The following SDC2 variants were observed in gnomAD, a reference collection of about 807,000 sequenced individuals.
SDC2 encodes the protein syndecan 2, also known as syndecan-2.
A neutral mutation model predicts 22.2 loss-of-function variants in SDC2; 13 were observed. The ratio of observed to expected loss-of-function variants is 0.59; its 90% CI spans 0.38 to 0.93. The LOEUF (loss-of-function observed/expected upper bound fraction) is 0.93, where lower values mean the gene tolerates loss of function less well. SDC2 is among the 40% of genes least tolerant of loss of function. SDC2 has a pLI of 0.00. For missense variants in SDC2, 235 were observed against 246.8 expected (o/e 0.95, Z 0.32); for synonymous variants, 94 against 92.8 (o/e 1.01, Z -0.07).
intron 1 of SDC2, among the ~76,000 whole-genome samples, chr8:96,534,631 C>T (rs1015095907): frequency 6.6e-6 from 1 of 151,842 alleles, no homozygotes; most frequent in Admixed American, 6.6e-5. Context: ...GAGACGAGGG[C>T]TCGTCATGTT....
chr8:96,576,822 T>C (rs996681085), intron 1 of SDC2, among the ~76,000 whole-genome samples: 1 of 152,114 alleles, frequency 6.6e-6, no homozygotes, highest in Non-Finnish European at 1.5e-5. Context: ...ATTTATCCCC[T>C]GGGAAAAAGG....
At chr8:96,600,586 T>A (rs907719002) in intron 2 of SDC2, among the ~76,000 whole-genome samples, 1 of 152,122 alleles carries the variant, frequency 6.6e-6, no homozygotes, top group African/African-American at 2.4e-5. Context: ...TCACAGTGGC[T>A]TGGATTGGAG....
intron 1 of SDC2, among the ~76,000 whole-genome samples, chr8:96,544,895 G>C (rs779314616): frequency 9.2e-5 from 14 of 152,196 alleles, no homozygotes; most frequent in Non-Finnish European, 2.1e-4. Flanking sequence ...TTATGCAATA[G>C]GTTATCATGT....
chr8:96,576,581 G>T (rs904878800), intron 1 of SDC2, among the ~76,000 whole-genome samples: 16 of 137,292 alleles, frequency 1.2e-4, no homozygotes, highest in African/African-American at 4.0e-4. Context: ...CACTACGCCC[G>T]GCTAATTTTT....
chr8:96,596,463 A>C (rs1475245435), intron 2 of SDC2, among the ~76,000 whole-genome samples: 1 of 152,262 alleles, frequency 6.6e-6, no homozygotes, highest in Non-Finnish European at 1.5e-5. Context: ...GGGCATAAGC[A>C]AACATGAAAC....
intron 1 of SDC2, among the ~76,000 whole-genome samples, chr8:96,521,219 T>C (rs750080951): frequency 6.6e-6 from 1 of 152,236 alleles, no homozygotes; most frequent in Non-Finnish European, 1.5e-5. Flanking sequence ...AAAAGCATTT[T>C]TGAATTATGT....
rs183133346 is a variant in SDC2 at position 96,606,642 on chromosome 8, A to G, written c.307-1693A>G. On this transcript the variant is annotated intron_variant, in intron 3 of 4. Transcript: ENST00000302190. ...GTGACCTGAAGTCAGACCAATTGAA[A>G]TGGAACCTCTAGTAGTAGGACTGTA... 2.8e-3 allele frequency among the ~76,000 whole-genome samples: 420 copies of G among 152,284 alleles called. 2 individuals carry two copies. The highest frequency in any genetic ancestry group is 4.9e-3 in the Non-Finnish European group (334 of 68,022).
At chr8:96,591,482 C>T (rs1421707525) in intron 1 of SDC2, among the ~76,000 whole-genome samples, 1 of 152,036 alleles carries the variant, frequency 6.6e-6, no homozygotes, top group African/African-American at 2.4e-5. Context: ...TATTTTGTGG[C>T]CATGCATTTT....
chr8:96,496,954 A>G (rs924979216), intron 1 of SDC2, among the ~76,000 whole-genome samples: 2 of 152,180 alleles, frequency 1.3e-5, no homozygotes, highest in Non-Finnish European at 2.9e-5. Context: ...AATCTGACTG[A>G]GTGTGGCAGT....
rs775680829 is a variant in SDC2, at chr8:96,580,252, G to A, written c.61-13228G>A. ...CCGTGGCAGCTGCAATCATTCAGCC[G>A]CATTCTTTAGCCTCCAAAGCAGGAG... is the stretch of plus-strand genomic sequence containing the variant. On this transcript the variant is annotated intron_variant, in intron 1 of 4. Transcript: ENST00000302190. 37 of 301,724 alleles carry A rather than the reference G, an allele frequency of 1.2e-4. No individual in the cohort carries two copies. In the South Asian group the frequency reaches 1.7e-3, roughly 14 times the overall value. 18.7% of individuals were successfully genotyped at this position (301,724 alleles called of 1,614,324 possible). A position where few individuals can be genotyped will look rare whatever the true frequency, so the allele number is the denominator to read the frequency against.
chr8:96,539,282 A>G (rs954732784), intron 1 of SDC2, among the ~76,000 whole-genome samples: 1 of 152,106 alleles, frequency 6.6e-6, no homozygotes, highest in East Asian at 1.9e-4. Context: ...CAAAGATGAA[A>G]CCCATCTACA....
intron 2 of SDC2, among the ~76,000 whole-genome samples, chr8:96,594,247 T>C (rs547688792): frequency 5.3e-5 from 8 of 152,304 alleles, no homozygotes; most frequent in African/African-American, 1.9e-4. Flanking sequence ...TTCTGTAGGT[T>C]GGTGATGTAG....
intron 1 of SDC2, among the ~76,000 whole-genome samples, chr8:96,565,321 G>A (rs1043808388): frequency 2.6e-5 from 4 of 151,474 alleles, no homozygotes; most frequent in Non-Finnish European, 4.4e-5. Flanking sequence ...TCCTGACCTC[G>A]TGATCTGCCC....
chr8:96,508,908 A>C (rs770154537), intron 1 of SDC2, among the ~76,000 whole-genome samples: 2 of 142,462 alleles, frequency 1.4e-5, no homozygotes, highest in East Asian at 3.9e-4. Context: ...TGCAGCCTCA[A>C]ATCATGAAGT....
At chr8:96,545,579 G>A (rs984449386) in intron 1 of SDC2, among the ~76,000 whole-genome samples, 2 of 152,220 alleles carry the variant, frequency 1.3e-5, no homozygotes, top group African/African-American at 2.4e-5. Flanking sequence ...AATATTAGGA[G>A]AGAAGGAGGG....
chr8:96,504,360 A>G (rs1216157137), intron 1 of SDC2, among the ~76,000 whole-genome samples: 1 of 152,218 alleles, frequency 6.6e-6, no homozygotes, highest in African/African-American at 2.4e-5. Flanking sequence ...GAGTTGTTCT[A>G]GCATTGCCCA....
chr8:96,542,124 C>T (rs956781001), intron 1 of SDC2, among the ~76,000 whole-genome samples: 1 of 152,154 alleles, frequency 6.6e-6, no homozygotes, highest in African/African-American at 2.4e-5. Flanking sequence ...CCCCAGCTTC[C>T]CCTCCCAATA....
At chr8:96,527,328 C>G (rs1813593380) in intron 1 of SDC2, among the ~76,000 whole-genome samples, 2 of 152,192 alleles carry the variant, frequency 1.3e-5, no homozygotes, top group African/African-American at 4.8e-5. Flanking sequence ...ATCACCCCTG[C>G]CCTTATCACT....
At chr8:96,517,132 C>T (rs1158998145) in intron 1 of SDC2, among the ~76,000 whole-genome samples, 9 of 152,148 alleles carry the variant, frequency 5.9e-5, no homozygotes, top group African/African-American at 9.7e-5. Context: ...TGATTACAAT[C>T]CCTATTGGGT....
Sources: gnomAD v4.1 joint callset for allele counts (sites outside exome capture counted in the v4.1 genomes callset) on GRCh38, gnomAD v4.1.1 for gene constraint, MANE v1.5 for transcripts, NCBI Gene and HGNC (gene_info 2026-07-23, HGNC 2026-07-21) for gene names.